The following MICU3 variants were observed in gnomAD, a reference collection of about 807,000 sequenced individuals.
The protein encoded by MICU3 is mitochondrial calcium uptake 3.
MICU3 carries 62 observed loss-of-function variants against 66.5 expected under a neutral mutation model. The ratio of observed to expected loss-of-function variants is 0.93; its 90% confidence interval spans 0.76 to 1.15. The LOEUF (loss-of-function observed/expected upper bound fraction) is 1.15. Ranked by LOEUF, MICU3 falls within the 50% of genes most tolerant of loss-of-function variation. MICU3 has a pLI of 0.00. For synonymous variants in MICU3, 308 were observed against 240.7 expected (o/e 1.28, Z -2.59); for missense variants, 779 against 664.4 (o/e 1.17, Z -1.90).
chr8:17,137,533 A>T, the MICU3 span, among the ~76,000 whole-genome samples: 1 of 150,984 alleles, frequency 6.6e-6, no homozygotes, highest in Non-Finnish European at 1.5e-5. Flanking sequence ...AAAAAAAAAA[A>T]AAAAAGGGGG....
At chr8:17,030,210 C>G (rs1188711046) in intron 1 of MICU3, among the ~76,000 whole-genome samples, 1 of 152,084 alleles carries the variant, frequency 6.6e-6, no homozygotes, top group Non-Finnish European at 1.5e-5. Context: ...CTGTGCATTG[C>G]TTTGTTTCTT....
chr8:17,068,429 T>C (rs577994279), intron 2 of MICU3, among the ~76,000 whole-genome samples: 3 of 152,328 alleles, frequency 2.0e-5, no homozygotes, highest in African/African-American at 7.2e-5. Context: ...GTGCATGTAC[T>C]TTTCTACCAT....
chr8:17,078,478 C>A (rs1041069586), intron 4 of MICU3, among the ~76,000 whole-genome samples: 2 of 151,826 alleles, frequency 1.3e-5, no homozygotes, highest in South Asian at 4.2e-4. Flanking sequence ...TTACAGGGTA[C>A]CTTTTTACAC....
chr8:17,070,483 A>G (rs977817210), intron 3 of MICU3, among the ~76,000 whole-genome samples: 2 of 152,162 alleles, frequency 1.3e-5, no homozygotes, highest in Non-Finnish European at 2.9e-5. Context: ...TTAACATTAA[A>G]TTCAAGAAAG....
Position 17,105,593 on chromosome 8 carries a change from T to A in MICU3, c.1257+9T>A. 6.8e-7 allele frequency: 1 copy of A among 1,476,776 alleles called. No individual in the cohort carries two copies. The highest frequency in any genetic ancestry group is 9.1e-7 in the Non-Finnish European group (1 of 1,101,214). 91.5% of individuals were successfully genotyped at this position (1,476,776 alleles called of 1,614,324 possible). A position where few individuals can be genotyped will look rare whatever the true frequency, so the allele number is the denominator to read the frequency against. Reference sequence around the variant, plus strand: ...GTATACCTGAAGAAAAGGTATCTAATCCTCATATTTAGTTGGTTATGTTAC... The same window carrying A: ...GTATACCTGAAGAAAAGGTATCTAAACCTCATATTTAGTTGGTTATGTTAC... On this transcript the variant is annotated intron_variant, in intron 11 of 14. Coordinates refer to ENST00000318063, the MANE Select transcript of MICU3 (RefSeq NM_181723.3).
At chr8:17,110,668 A>G (rs2150824846) in intron 11 of MICU3, among the ~76,000 whole-genome samples, 1 of 151,756 alleles carries the variant, frequency 6.6e-6, no homozygotes, top group South Asian at 2.1e-4. Flanking sequence ...GGCTCAAGTG[A>G]TTCTCCCACC....
chr8:17,101,832 A>T (rs538365789), intron 9 of MICU3, among the ~76,000 whole-genome samples: 1 of 151,984 alleles, frequency 6.6e-6, no homozygotes, highest in African/African-American at 2.4e-5. Flanking sequence ...TTAAGATTCA[A>T]CATTCTTTTC....
chr8:17,057,965 A>C (rs1223374882), intron 1 of MICU3, among the ~76,000 whole-genome samples: 1 of 151,982 alleles, frequency 6.6e-6, no homozygotes, highest in Non-Finnish European at 1.5e-5. Context: ...CTCCTGCCTC[A>C]GCTCCCCAAG....
intron 9 of MICU3, among the ~76,000 whole-genome samples, chr8:17,099,945 A>G (rs1322826405): frequency 6.6e-6 from 1 of 151,794 alleles, no homozygotes; most frequent in Admixed American, 6.6e-5. Flanking sequence ...AATTTAATTT[A>G]AATCTTGGGA....
At chr8:17,079,267 G>A (rs887530155) in intron 4 of MICU3, among the ~76,000 whole-genome samples, 5 of 152,224 alleles carry the variant, frequency 3.3e-5, no homozygotes, top group Non-Finnish European at 7.4e-5. Context: ...CACTTGAAAT[G>A]TGTCTAGCGT....
At chr8:17,047,277 A>C (rs1038194158) in intron 1 of MICU3, among the ~76,000 whole-genome samples, 1 of 152,256 alleles carries the variant, frequency 6.6e-6, no homozygotes, top group Non-Finnish European at 1.5e-5. Flanking sequence ...GCAGCAGTTA[A>C]TAATCTGAAA....
At position 17,069,675 on chromosome 8, in the gene MICU3, T is replaced by G; in HGVS notation, c.536-13T>G. 1 of 1,495,382 alleles carries G rather than the reference T, an allele frequency of 6.7e-7. No homozygotes were observed. The highest frequency in any genetic ancestry group is 9.1e-7 in the Non-Finnish European group (1 of 1,098,556). The allele number at this position is 1,495,382 out of a possible 1,614,324, so 92.6% of individuals were successfully genotyped here. A position where few individuals can be genotyped will look rare whatever the true frequency, so the allele number is the denominator to read the frequency against. ...TATTTATTATCTAATTATCTTACAT[T>G]TGTTTATTTTAGTTGCCAAAACTTG... On this transcript the variant is annotated splice_polypyrimidine_tract_variant and intron_variant, in intron 2 of 14. Transcript: ENST00000318063.
At chr8:17,092,118 C>T (rs749883637) in intron 8 of MICU3, among the ~76,000 whole-genome samples, 48 of 152,122 alleles carry the variant, frequency 3.2e-4, no homozygotes, top group Middle Eastern at 6.8e-3. Flanking sequence ...CCTCATGATC[C>T]ACCCACCTCG....
At position 17,120,450 on chromosome 8, in the gene MICU3, T is replaced by G. The variant is rs1182699643; in HGVS notation, c.*163T>G. ...TTTTCTGGAACTGAATTCTTAAACA[T>G]AAAACAGATAAAATGCATCTTGTTA... On this transcript the variant is annotated 3_prime_UTR_variant, in exon 15 of 15. Transcript: ENST00000318063. 1 of 152,042 alleles carries G rather than the reference T, an allele frequency of 6.6e-6. No individual in the cohort carries two copies. The highest frequency in any genetic ancestry group is 1.5e-5 in the Non-Finnish European group (1 of 67,912). The allele number at this position is 152,042 out of a possible 1,614,324, so 9.4% of individuals were successfully genotyped here. A position where few individuals can be genotyped will look rare whatever the true frequency, so the allele number is the denominator to read the frequency against.
In MICU3 at chr8:17,116,442, G is replaced by C; in HGVS notation, c.1367-1G>C. 6.9e-7 allele frequency: 1 copy of C among 1,447,632 alleles called. No homozygotes were observed. The highest frequency in any genetic ancestry group is 9.1e-7 in the Non-Finnish European group (1 of 1,098,430). The allele number at this position is 1,447,632 out of a possible 1,614,324, so 89.7% of individuals were successfully genotyped here. A position where few individuals can be genotyped will look rare whatever the true frequency, so the allele number is the denominator to read the frequency against. On this transcript the variant is annotated splice_acceptor_variant, in intron 12 of 14. Coordinates refer to ENST00000318063, the MANE Select transcript of MICU3 (RefSeq NM_181723.3). LOFTEE classifies it high-confidence loss of function. ...TCTTTTTCTATGTAACATTTATCTA[G>C]ATGAATTTAAACGTGCCGTCTATGT...
intron 1 of MICU3, among the ~76,000 whole-genome samples, chr8:17,031,053 A>G (rs1811948972): frequency 6.6e-6 from 1 of 151,942 alleles, no homozygotes; most frequent in African/African-American, 2.4e-5. Context: ...CATGGAGTCA[A>G]TCTGCCATTT....
intron 1 of MICU3, among the ~76,000 whole-genome samples, chr8:17,053,519 G>A (rs1816440930): frequency 6.6e-6 from 1 of 152,058 alleles, no homozygotes; most frequent in African/African-American, 2.4e-5. Flanking sequence ...AGGTTGCAAA[G>A]GTCTGAGTTT....
chr8:17,087,310 T>C (rs1052924737), intron 7 of MICU3, among the ~76,000 whole-genome samples: 1 of 152,042 alleles, frequency 6.6e-6, no homozygotes, highest in South Asian at 2.1e-4. Flanking sequence ...TATCATACAA[T>C]AGATTAATAC....
At chr8:17,134,050 ATTGTT>A in the MICU3 span, 1 of 152,186 alleles carries the variant, frequency 6.6e-6, no homozygotes, top group Admixed American at 6.5e-5. Context: ...GAATATTAGA[ATTGTT>A]TTATCTTCTC....
Sources: gnomAD v4.1 joint callset for allele counts (sites outside exome capture counted in the v4.1 genomes callset) on GRCh38, gnomAD v4.1.1 for gene constraint, MANE v1.5 for transcripts, NCBI Gene and HGNC (gene_info 2026-07-23, HGNC 2026-07-21) for gene names.